Variants in ADAM7 observed in about 807,000 individuals in gnomAD.
The protein encoded by ADAM7 is disintegrin and metalloproteinase domain-containing protein 7.
Under a neutral mutation model 102.9 loss-of-function variants are expected in ADAM7, and 97 were observed. The ratio of observed to expected loss-of-function variants is 0.94; its 90% CI spans 0.80 to 1.12. The LOEUF (loss-of-function observed/expected upper bound fraction) is 1.12. ADAM7 is among the 50% of genes most tolerant of loss of function. The pLI, the probability that ADAM7 is intolerant of heterozygous loss-of-function variation, is 0.00. For synonymous variants in ADAM7, 334 were observed against 304.4 expected (o/e 1.10, Z -1.01); for missense variants, 991 against 908.7 (o/e 1.09, Z -1.16).
At chr8:24,451,435 G>A (rs13267764) in intron 3 of ADAM7, among the ~76,000 whole-genome samples, 41,727 of 152,010 alleles carry the variant, frequency 0.27, 6,485 homozygotes, top group South Asian at 0.39. Context: ...GTTTATTTGC[G>A]TAGAGGTGTT....
chr8:24,473,737 T>C (rs1819681328), intron 7 of ADAM7, among the ~76,000 whole-genome samples: 1 of 152,244 alleles, frequency 6.6e-6, no homozygotes, highest in Non-Finnish European at 1.5e-5. Flanking sequence ...ATTTCAAATG[T>C]CCAAAAAATA....
At chr8:24,450,794 G>T (rs898996929) in intron 3 of ADAM7, among the ~76,000 whole-genome samples, 4 of 152,160 alleles carry the variant, frequency 2.6e-5, no homozygotes, top group Middle Eastern at 3.4e-3. Context: ...GTTTGTCATG[G>T]ATAGCTCTTA....
At chr8:24,492,629 C>A (rs372696434) in intron 15 of ADAM7, 32 bp downstream of exon 15, 102 of 1,503,790 alleles carry the variant, frequency 6.8e-5, no homozygotes, top group Non-Finnish European at 9.1e-5. Context: ...AGTAATTTGC[C>A]TTCTTACAGC....
intron 7 of ADAM7, among the ~76,000 whole-genome samples, chr8:24,471,362 C>T (rs1819596794): frequency 6.6e-6 from 1 of 152,054 alleles, no homozygotes; most frequent in Non-Finnish European, 1.5e-5. Flanking sequence ...CAGTAATGTC[C>T]TAGGCCTTTA....
rs139013320 is a variant in ADAM7 at position 24,466,956 on chromosome 8, G to T, written c.547G>T (p.Asp183Tyr). 3 of 1,613,834 alleles carry T rather than the reference G, an allele frequency of 1.9e-6. No individual in the cohort carries two copies. Among genetic ancestry groups the T allele is most frequent in the Non-Finnish European group, 2.5e-6 (3 of 1,179,966 alleles). The change falls in exon 6 of 22, where the codon GAT becomes TAT. Residue 183 changes from aspartate to tyrosine, a missense_variant. Transcript: ENST00000175238. The part of the protein sequence containing the change: ...LNFTRKTVPG[D>Y]NESEEDSKIK... ...TTTTACCAGAAAAACTGTTCCAGGG[G>T]ATAATGAATCTGAAGAAGACTCCAA...
chr8:24,446,309 G>C (rs1341037391), intron 2 of ADAM7, among the ~76,000 whole-genome samples: 1 of 151,952 alleles, frequency 6.6e-6, no homozygotes, highest in Non-Finnish European at 1.5e-5. Context: ...TGATCATCCA[G>C]GAAAACAATT....
At chr8:24,458,738 A>G (rs1212113988) in intron 3 of ADAM7, among the ~76,000 whole-genome samples, 2 of 152,102 alleles carry the variant, frequency 1.3e-5, no homozygotes, top group African/African-American at 4.8e-5. Context: ...TCTTAAAGGG[A>G]AAGTGTTCAG....
Position 24,492,009 on chromosome 8 carries a change from A to G in ADAM7, c.1463A>G (p.Asn488Ser). Residue 488 changes from asparagine (N) to serine (S), a missense_variant, in exon 14 of 22, where the codon AAT (asparagine) becomes AGT (serine). Transcript: ENST00000175238. ...PACPKDQFRV[N>S]GFPCKNSEGY... The stretch of plus-strand genomic sequence containing the variant: ...TGTCCTAAGGACCAGTTCAGGGTCA[A>G]TGGATTTCCTTGCAAGAACTCAGAA... 1.2e-6 allele frequency: 2 copies of G among 1,613,972 alleles called. No individual in the cohort carries two copies. The highest frequency in any genetic ancestry group is 1.7e-5 in the Admixed American group (1 of 59,998).
intron 3 of ADAM7, among the ~76,000 whole-genome samples, chr8:24,452,775 G>C (rs1354218513): frequency 4.0e-5 from 6 of 151,738 alleles, no homozygotes; most frequent in Non-Finnish European, 8.8e-5. Flanking sequence ...GCATGATTTT[G>C]CAGTGGCTGG....
At chr8:24,507,646 AC>A (rs3217595) in intron 21 of ADAM7, 111 bp downstream of exon 21, 3 of 110,234 alleles carry the variant, frequency 2.7e-5, no homozygotes, top group Non-Finnish European at 3.2e-5. Flanking sequence ...TGTACTTATC[AC>A]AACAGATTAG....
At chr8:24,494,828 G>T (rs1339339245) in intron 16 of ADAM7, among the ~76,000 whole-genome samples, 5 of 152,150 alleles carry the variant, frequency 3.3e-5, no homozygotes, top group African/African-American at 9.7e-5. Context: ...ACAAGAAAAG[G>T]AGTAGGCTAA....
Position 24,503,111 on chromosome 8 carries a change from G to GTA in ADAM7, c.2208+1537_2208+1538dup. 1.3e-5 allele frequency among the ~76,000 whole-genome samples: 2 copies of GTA among 152,174 alleles called. 1 individual carries two copies. The highest frequency in any genetic ancestry group is 3.9e-4 in the East Asian group (2 of 5,192). ...AAAAAAGCAATGAGGCTAACTTACT[G>GTA]TATTATCAGTGAAAGTGTAAAATCA... On this transcript the variant is annotated intron_variant, in intron 20 of 21. Coordinates refer to ENST00000175238, the MANE Select transcript of ADAM7 (RefSeq NM_003817.4).
intron 5 of ADAM7, among the ~76,000 whole-genome samples, chr8:24,466,277 G>A (rs545645097): frequency 6.6e-6 from 1 of 152,120 alleles, no homozygotes; most frequent in Non-Finnish European, 1.5e-5. Context: ...ATAGATCATA[G>A]GCTCATGGAC....
At chr8:24,481,781 G>A (rs553307250) in intron 8 of ADAM7, among the ~76,000 whole-genome samples, 2 of 152,276 alleles carry the variant, frequency 1.3e-5, no homozygotes, top group South Asian at 4.1e-4. Flanking sequence ...GGTGCATAAG[G>A]AGCACTCACA....
At chr8:24,458,519 G>C (rs1819122978) in intron 3 of ADAM7, among the ~76,000 whole-genome samples, 1 of 152,138 alleles carries the variant, frequency 6.6e-6, no homozygotes, top group Non-Finnish European at 1.5e-5. Context: ...GATTTGAGAA[G>C]CATTAGTAAA....
chr8:24,508,731 C>G lies in ADAM7; in HGVS notation c.*185C>G. ...TCTGTTAATATTTACCGGTAGAATT[C>G]ACACCCTCTATCATAAACATATGCT... is the stretch of plus-strand genomic sequence containing the variant. On this transcript the variant is annotated 3_prime_UTR_variant, in exon 22 of 22. Coordinates refer to ENST00000175238, the MANE Select transcript of ADAM7 (RefSeq NM_003817.4). 2.1e-6 allele frequency: 3 copies of G among 1,421,320 alleles called. No individual in the cohort carries two copies. Among genetic ancestry groups the G allele is most frequent in the Middle Eastern group, 3.7e-4 (2 of 5,398 alleles). The allele number at this position is 1,421,320 out of a possible 1,614,324, so 88.0% of individuals were successfully genotyped here.
intron 3 of ADAM7, among the ~76,000 whole-genome samples, chr8:24,453,489 C>T (rs201363216): frequency 6.6e-6 from 1 of 152,194 alleles, no homozygotes; most frequent in Non-Finnish European, 1.5e-5. Flanking sequence ...CGAGCCTTGG[C>T]TTTCAGCTCC....
rs997899796 is a variant in ADAM7 at position 24,491,969 on chromosome 8, G to A, written c.1423G>A (p.Gly475Ser). The change falls in exon 14 of 22, where the codon GGC becomes AGC. Residue 475 changes from glycine (G) to serine (S), a missense_variant. Gly to Ser is a moderately conservative substitution (Grantham distance 56). Coordinates refer to ENST00000175238, the MANE Select transcript of ADAM7 (RefSeq NM_003817.4). The stretch of plus-strand genomic sequence containing the variant: ...ATGTGATTTTCCTGAGATGTGCACT[G>A]GCCACTCGCCTGCCTGTCCTAAGGA... Reference protein sequence around the residue: ...DECDFPEMCTGHSPACPKDQF... With the variant: ...DECDFPEMCTSHSPACPKDQF... 3 of 1,613,742 alleles carry A rather than the reference G, an allele frequency of 1.9e-6. No individual in the cohort carries two copies. The African/African-American group carries it at 4.0e-5, about 22-fold the overall frequency.
intron 2 of ADAM7, among the ~76,000 whole-genome samples, chr8:24,445,425 C>G (rs952297127): frequency 2.6e-5 from 4 of 152,188 alleles, no homozygotes; most frequent in African/African-American, 9.7e-5. Flanking sequence ...TCAGATCCTC[C>G]TTGCTATAGT....
Sources: allele counts gnomAD v4.1 joint callset (sites outside exome capture counted in the v4.1 genomes callset), GRCh38; gene constraint gnomAD v4.1.1; transcripts MANE v1.5; gene names NCBI Gene and HGNC (gene_info 2026-07-23, HGNC 2026-07-21).